PIAS2: variants seen among roughly 807,000 people sequenced by gnomAD.
PIAS2 encodes E3 SUMO-protein ligase PIAS2.
In PIAS2, 19 loss-of-function variants were observed where a neutral mutation model predicts 69.7. The observed-to-expected ratio is 0.27, with a 90% CI of 0.19 to 0.40. PIAS2 has a LOEUF of 0.40. Among genes scored for constraint, PIAS2 ranks in the 10% least tolerant of loss-of-function variants. PIAS2 has a pLI of 1.00. For synonymous variants in PIAS2, 261 were observed against 263.2 expected (o/e 0.99, Z 0.08); for missense variants, 624 against 757.0 (o/e 0.82, Z 2.06).
rs1365448886 is a variant in PIAS2, at chr18:46,821,035, T to C, written c.1546A>G (p.Ser516Gly). The C allele has an allele frequency of 6.2e-7, 1 of 1,613,594 alleles. No individual in the cohort carries two copies. The change falls in exon 12 of 14, where the codon AGT becomes GGT. Residue 516 changes from serine to glycine, a missense_variant. Transcript: ENST00000585916. ...MYQPSSVRVP[S>G]VTSVDPAAIP... The stretch of plus-strand genomic sequence containing the variant: ...GCAGCAGGATCAACCGAAGTCACAC[T>C]GGGCACCCTTACAGAAGATGGCTGA...
At chr18:46,815,468 A>G (rs1181303659) in intron 12 of PIAS2, 119 bp from the exon 13 acceptor site, 1 of 1,547,084 alleles carries the variant, frequency 6.5e-7, no homozygotes, top group East Asian at 2.3e-5. Flanking sequence ...CCACTCTGTC[A>G]CAGAGAAGTT....
intron 12 of PIAS2, among the ~76,000 whole-genome samples, chr18:46,820,615 T>C (rs1388472168): frequency 6.6e-6 from 1 of 152,090 alleles, no homozygotes; most frequent in Admixed American, 6.6e-5. Flanking sequence ...TGAGAAAATA[T>C]TCTCCCTTCA....
At chr18:46,837,098 A>G (rs546205510) in intron 8 of PIAS2, among the ~76,000 whole-genome samples, 1 of 152,122 alleles carries the variant, frequency 6.6e-6, no homozygotes, top group South Asian at 2.1e-4. Flanking sequence ...TATTTCTAAG[A>G]TTTTTATATT....
chr18:46,813,210 GGACA>G, intron 13 of PIAS2, among the ~76,000 whole-genome samples: 1 of 151,982 alleles, frequency 6.6e-6, no homozygotes, highest in Non-Finnish European at 1.5e-5. Flanking sequence ...AGGATCCTCA[GGACA>G]GAAAATTATC....
In PIAS2 at chr18:46,807,376, TATATA is replaced by T. The variant is rs1304325802; in HGVS notation, c.*5052_*5056del. ...GATTTTATATATATATATATATATA[TATATA>T]TATTTTTTTTTTTTTTTTTTTTTTT... On this transcript the variant is annotated 3_prime_UTR_variant, in exon 14 of 14. Coordinates refer to ENST00000585916, the MANE Select transcript of PIAS2 (RefSeq NM_004671.5). The T allele has an allele frequency of 5.3e-3, 167 of 31,566 alleles. 3 individuals are homozygous for T. Among genetic ancestry groups the T allele is most frequent in the African/African-American group, 0.027 (134 of 4,920 alleles). The allele number at this position is 31,566 out of a possible 1,614,324, so 2.0% of individuals were successfully genotyped here.
chr18:46,917,132 C>G, intron 1 of PIAS2, 190 bp downstream of exon 1: 1 of 1,008,370 alleles, frequency 9.9e-7, no homozygotes, highest in Non-Finnish European at 1.2e-6. Flanking sequence ...GCCCCCGCGC[C>G]GCCCGCGTGC....
intron 5 of PIAS2, 125 bp from the exon 6 acceptor site, chr18:46,846,966 T>A: frequency 1.3e-6 from 1 of 755,040 alleles, no homozygotes. Context: ...CTAAAAATCA[T>A]ATAGCCCTTA....
intron 2 of PIAS2, among the ~76,000 whole-genome samples, chr18:46,873,254 C>T (rs916822759): frequency 6.6e-6 from 1 of 152,182 alleles, no homozygotes; most frequent in African/African-American, 2.4e-5. Flanking sequence ...AAAGAGGTAA[C>T]TTAACATTAA....
At chr18:46,818,530 T>G (rs1336253587) in intron 12 of PIAS2, 10 of 1,195,756 alleles carry the variant, frequency 8.4e-6, no homozygotes, top group Admixed American at 7.1e-5. Context: ...TCTCCATTCT[T>G]GGTGTTCTAT....
intron 11 of PIAS2, chr18:46,827,476 T>C (rs971560418): frequency 3.3e-5 from 5 of 152,328 alleles, no homozygotes; most frequent in African/African-American, 1.2e-4. Flanking sequence ...CTTTCTTTCA[T>C]CTCATTAAAA....
At chr18:46,893,130 A>G (rs1691657279) in intron 1 of PIAS2, among the ~76,000 whole-genome samples, 1 of 152,212 alleles carries the variant, frequency 6.6e-6, no homozygotes, top group Non-Finnish European at 1.5e-5. Context: ...GGCCTATCTC[A>G]TAACAAACCA....
intron 2 of PIAS2, among the ~76,000 whole-genome samples, chr18:46,870,615 CAAAAAAAAAAAAAAAA>C (rs58099640): frequency 2.0e-4 from 11 of 54,934 alleles, no homozygotes; most frequent in South Asian, 1.1e-3. Context: ...GACTCCGTCT[CAAAAAAAAAAAAAAAA>C]AAAAAAAAAA....
At chr18:46,888,002 T>C (rs2053477812) in intron 2 of PIAS2, among the ~76,000 whole-genome samples, 1 of 152,104 alleles carries the variant, frequency 6.6e-6, no homozygotes, top group Middle Eastern at 3.2e-3. Flanking sequence ...TTAGAATAAA[T>C]GAATTCAGTA....
rs906211736 is a variant in PIAS2, at chr18:46,805,146, A to G, written c.*7287T>C. ...AGTGGCCTGAAAAGAGGGCAATAAC[A>G]TTTGTTATAACTGATGAGAATGGGC... On this transcript the variant is annotated 3_prime_UTR_variant, in exon 14 of 14. Coordinates refer to ENST00000585916, the MANE Select transcript of PIAS2 (RefSeq NM_004671.5). 3.9e-5 allele frequency: 6 copies of G among 152,238 alleles called. No homozygotes were observed. The highest frequency in any genetic ancestry group is 7.3e-5 in the Non-Finnish European group (5 of 68,060). 9.4% of individuals were successfully genotyped at this position (152,238 alleles called of 1,614,324 possible). A position where few individuals can be genotyped will look rare whatever the true frequency, so the allele number is the denominator to read the frequency against.
At chr18:46,897,608 G>A (rs1185198511) in intron 1 of PIAS2, among the ~76,000 whole-genome samples, 1 of 152,084 alleles carries the variant, frequency 6.6e-6, no homozygotes, top group African/African-American at 2.4e-5. Context: ...ACAGATTTTT[G>A]GTTTGAGTAG....
chr18:46,872,019 G>A (rs2050430530), intron 2 of PIAS2, among the ~76,000 whole-genome samples: 1 of 152,140 alleles, frequency 6.6e-6, no homozygotes, highest in Non-Finnish European at 1.5e-5. Flanking sequence ...AACCCCCAGG[G>A]GAAATAGTAA....
At chr18:46,831,356 T>C (rs1358759904) in intron 9 of PIAS2, among the ~76,000 whole-genome samples, 1 of 152,120 alleles carries the variant, frequency 6.6e-6, no homozygotes, top group East Asian at 1.9e-4. Context: ...CAAAACACTG[T>C]TGAGACAAAT....
chr18:46,870,743 T>C (rs913526603), intron 2 of PIAS2, among the ~76,000 whole-genome samples: 1 of 148,106 alleles, frequency 6.8e-6, no homozygotes, highest in African/African-American at 2.5e-5. Context: ...TTAATGACCA[T>C]CCTGGGCATC....
At chr18:46,917,018 C>G (rs2058023311) in intron 1 of PIAS2, 1 of 987,122 alleles carries the variant, frequency 1.0e-6, no homozygotes, top group Non-Finnish European at 1.2e-6. Context: ...ACCGGGATGT[C>G]GGGTCCCCAT....
Sources: gnomAD v4.1 joint callset for allele counts (sites outside exome capture counted in the v4.1 genomes callset) on GRCh38, gnomAD v4.1.1 for gene constraint, MANE v1.5 for transcripts, NCBI Gene and HGNC (gene_info 2026-07-23, HGNC 2026-07-21) for gene names.